The following SLC6A15 variants were observed in gnomAD, a reference collection of about 807,000 sequenced individuals.
SLC6A15 encodes the protein solute carrier family 6 member 15, also known as sodium-dependent neutral amino acid transporter B(0)AT2.
In SLC6A15, 33 loss-of-function variants were observed where a neutral mutation model predicts 68.5. The observed-to-expected ratio is 0.48, with a 90% CI of 0.37 to 0.64. SLC6A15 has a LOEUF of 0.64. Among genes scored for constraint, SLC6A15 ranks in the 30% least tolerant of loss-of-function variants. The pLI is 0.00. For missense variants in SLC6A15, 747 were observed against 874.3 expected (o/e 0.85, Z 1.84); for synonymous variants, 347 against 301.0 (o/e 1.15, Z -1.58).
chr12:84,886,110 A>G, intron 2 of SLC6A15, 42 bp from the exon 3 acceptor site: 2 of 1,351,102 alleles, frequency 1.5e-6, no homozygotes, highest in South Asian at 2.5e-5. Flanking sequence ...TTTTCAATAC[A>G]GTAGAAAATA....
intron 5 of SLC6A15, chr12:84,881,476 C>A (rs1354712292): frequency 1.0e-6 from 1 of 985,210 alleles, no homozygotes; most frequent in Non-Finnish European, 1.2e-6. Context: ...AAGGAAAATA[C>A]AAGATTTCAG....
At chr12:84,879,238 C>A (rs1871704730) in intron 5 of SLC6A15, among the ~76,000 whole-genome samples, 1 of 152,022 alleles carries the variant, frequency 6.6e-6, no homozygotes, top group South Asian at 2.1e-4. Flanking sequence ...TTCTCTTCAA[C>A]CATCGAACCC....
chr12:84,906,434 T>C (rs1206614252), intron 1 of SLC6A15, among the ~76,000 whole-genome samples: 2 of 152,158 alleles, frequency 1.3e-5, no homozygotes, highest in Non-Finnish European at 2.9e-5. Flanking sequence ...AAGAAGATTA[T>C]TTCAAAATTT....
chr12:84,864,320 C>CTTTTTTT (rs551232166), intron 10 of SLC6A15, among the ~76,000 whole-genome samples: 3 of 131,756 alleles, frequency 2.3e-5, no homozygotes, highest in Non-Finnish European at 3.3e-5. Context: ...TTCTTTCTTT[C>CTTTTTTT]TTTTTTTTTT....
intron 5 of SLC6A15, 82 bp from the exon 6 acceptor site, chr12:84,876,689 C>T (rs973873114): frequency 8.5e-6 from 5 of 590,208 alleles, no homozygotes; most frequent in Non-Finnish European, 1.4e-5. Flanking sequence ...AGTTTCTGTA[C>T]TTTGACAGTC....
intron 4 of SLC6A15, among the ~76,000 whole-genome samples, chr12:84,884,562 T>C (rs1367307666): frequency 1.3e-5 from 2 of 152,062 alleles, no homozygotes; most frequent in Non-Finnish European, 2.9e-5. Flanking sequence ...TGCCTCGACC[T>C]CCCAAAGTGC....
intron 4 of SLC6A15, 28 bp downstream of exon 4, chr12:84,885,407 C>A (rs368680323): frequency 3.2e-6 from 5 of 1,562,312 alleles, no homozygotes; most frequent in South Asian, 1.2e-5. Context: ...TGCTTAAATA[C>A]CAAAACACTG....
At chr12:84,882,871 C>T in intron 5 of SLC6A15, 2 of 471,706 alleles carry the variant, frequency 4.2e-6, no homozygotes, top group Non-Finnish European at 5.5e-6. Flanking sequence ...GCTTCAATTA[C>T]TGTTCTTACC....
intron 10 of SLC6A15, 119 bp downstream of exon 10, chr12:84,866,915 T>C: frequency 1.1e-6 from 1 of 918,464 alleles, no homozygotes. Flanking sequence ...AAAGGTTTGA[T>C]TTTTTAAAGA....
Position 84,872,778 on chromosome 12 carries a change from T to C in SLC6A15, c.1126A>G (p.Met376Val). 1.9e-6 allele frequency: 3 copies of C among 1,602,794 alleles called. No individual in the cohort carries two copies. The highest frequency in any genetic ancestry group is 2.5e-6 in the Non-Finnish European group (3 of 1,177,076). ...KCITQNSETI[M>V]KFLKMGNISQ... ...ATGTTCCCCATTTTCAAAAATTTCA[T>C]GATCGTCTCTGAATTTCTGAAAAAT... Residue 376 changes from methionine (M) to valine (V), a missense_variant, in exon 8 of 12, where the codon ATG (methionine) becomes GTG (valine). By Grantham distance (21) the Met-to-Val change is conservative. Coordinates refer to ENST00000266682, the MANE Select transcript of SLC6A15 (RefSeq NM_182767.6).
At chr12:84,877,959 T>A (rs1280045176) in intron 5 of SLC6A15, among the ~76,000 whole-genome samples, 2 of 152,060 alleles carry the variant, frequency 1.3e-5, no homozygotes, top group East Asian at 3.9e-4. Flanking sequence ...TATGTATCTG[T>A]GGAAGGAAGG....
At chr12:84,869,365 G>C (rs568538525) in intron 9 of SLC6A15, among the ~76,000 whole-genome samples, 2 of 151,264 alleles carry the variant, frequency 1.3e-5, no homozygotes, top group Non-Finnish European at 2.9e-5. Flanking sequence ...GGGAGGCTGA[G>C]GCAGGAGAAT....
intron 4 of SLC6A15, 128 bp downstream of exon 4, chr12:84,885,307 G>A (rs1243973733): frequency 1.0e-5 from 9 of 899,186 alleles, no homozygotes; most frequent in Non-Finnish European, 3.1e-6. Flanking sequence ...TGTGAGCAAA[G>A]TCTGTTATAA....
chr12:84,881,248 A>C (rs1163641607), intron 5 of SLC6A15: 1 of 166,572 alleles, frequency 6.0e-6, no homozygotes, highest in African/African-American at 2.4e-5. Flanking sequence ...AGTGATGCTG[A>C]GCTCTCTACC....
chr12:84,882,963 T>C, intron 5 of SLC6A15: 1 of 920,068 alleles, frequency 1.1e-6, no homozygotes, highest in Admixed American at 6.2e-5. Context: ...CTGCTACTAC[T>C]ACTACTATTG....
chr12:84,887,696 A>G (rs943314673), intron 2 of SLC6A15, among the ~76,000 whole-genome samples: 7 of 151,824 alleles, frequency 4.6e-5, no homozygotes, highest in African/African-American at 1.7e-4. Flanking sequence ...TTTTATACGC[A>G]TGTGAATGAG....
chr12:84,877,956 C>G (rs900009706), intron 5 of SLC6A15, among the ~76,000 whole-genome samples: 1 of 152,072 alleles, frequency 6.6e-6, no homozygotes, highest in African/African-American at 2.4e-5. Flanking sequence ...TCATATGTAT[C>G]TGTGGAAGGA....
chr12:84,904,435 A>G (rs1437279583), intron 1 of SLC6A15, among the ~76,000 whole-genome samples: 1 of 152,216 alleles, frequency 6.6e-6, no homozygotes, highest in Non-Finnish European at 1.5e-5. Flanking sequence ...ACTATGTTGT[A>G]GAATGGTTTG....
intron 5 of SLC6A15, among the ~76,000 whole-genome samples, chr12:84,878,633 TTTTTAATTTTG>T (rs1426730295): frequency 2.6e-5 from 4 of 152,074 alleles, no homozygotes; most frequent in Non-Finnish European, 4.4e-5. Flanking sequence ...TAAAATATGC[TTTTTAATTTTG>T]TTTTAATTTT....
Sources: allele counts gnomAD v4.1 joint callset (sites outside exome capture counted in the v4.1 genomes callset), GRCh38; gene constraint gnomAD v4.1.1; transcripts MANE v1.5; gene names NCBI Gene and HGNC (gene_info 2026-07-23, HGNC 2026-07-21).